The following GABRG2 variants were observed in gnomAD, a reference collection of about 807,000 sequenced individuals.
GABRG2 encodes the protein gamma-aminobutyric acid type A receptor subunit gamma2.
A neutral mutation model predicts 56.4 loss-of-function variants in GABRG2; 16 were observed. The observed-to-expected ratio is 0.28, with a 90% confidence interval of 0.19 to 0.43. GABRG2 has a LOEUF of 0.43. Ranked by LOEUF, GABRG2 falls within the 20% of genes least tolerant of loss-of-function variation. The pLI is 1.00. For missense variants in GABRG2, 327 were observed against 582.7 expected (o/e 0.56, Z 4.52); for synonymous variants, 208 against 205.5 (o/e 1.01, Z -0.10).
Position 162,097,656 on chromosome 5 carries a change from T to A in GABRG2, c.346T>A (p.Phe116Ile). 6.2e-7 allele frequency: 1 copy of A among 1,611,654 alleles called. No individual in the cohort carries two copies. Among genetic ancestry groups the A allele is most frequent in the Non-Finnish European group, 8.5e-7 (1 of 1,178,014 alleles). The change falls in exon 4 of 10, where the codon TTT (phenylalanine) becomes ATT (isoleucine). Residue 116 changes from phenylalanine to isoleucine, a missense_variant. Around this residue, in one of 4 missense-constraint regions of GABRG2, gnomAD observed 104 missense variants for 209.3 expected, o/e 0.50. Coordinates refer to ENST00000639213, the MANE Select transcript of GABRG2 (RefSeq NM_198904.4). Reference protein sequence around the residue: ...AINMEYTIDIFFAQTWYDRRL... With the variant: ...AINMEYTIDIIFAQTWYDRRL... ...AAAACAGGAATACACTATTGATATA[T>A]TTTTTGCGCAAACGTGGTATGACAG...
chr5:162,139,626 C>T (rs1764405850), intron 6 of GABRG2, among the ~76,000 whole-genome samples: 1 of 152,160 alleles, frequency 6.6e-6, no homozygotes, highest in Non-Finnish European at 1.5e-5. Context: ...ATCTTGTTAA[C>T]TTTGGACAAA....
chr5:162,072,423 T>C (rs1758745418), intron 1 of GABRG2, among the ~76,000 whole-genome samples: 1 of 152,022 alleles, frequency 6.6e-6, no homozygotes, highest in Non-Finnish European at 1.5e-5. Flanking sequence ...TAATGAAAAG[T>C]TATAATCAGA....
chr5:162,141,887 G>A (rs1037252154), intron 6 of GABRG2, among the ~76,000 whole-genome samples: 1 of 152,028 alleles, frequency 6.6e-6, no homozygotes, highest in Admixed American at 6.6e-5. Flanking sequence ...AGGAAGAAAG[G>A]ACGTCAGAAA....
chr5:162,080,607 G>T (rs1759573713), intron 1 of GABRG2, among the ~76,000 whole-genome samples: 1 of 152,122 alleles, frequency 6.6e-6, no homozygotes. Context: ...TCTAGGTAAG[G>T]AGTTTGGATA....
intron 6 of GABRG2, 34 bp downstream of exon 6, chr5:162,104,060 C>T: frequency 6.2e-7 from 1 of 1,612,010 alleles, no homozygotes. Flanking sequence ...TCAAGTGACC[C>T]TTCCAGAGTT....
chr5:162,119,945 T>C (rs1270958484), intron 6 of GABRG2, among the ~76,000 whole-genome samples: 1 of 152,110 alleles, frequency 6.6e-6, no homozygotes, highest in Non-Finnish European at 1.5e-5. Flanking sequence ...AGCTGCCTAC[T>C]TCCACCCACT....
intron 6 of GABRG2, among the ~76,000 whole-genome samples, chr5:162,133,314 C>T (rs896027841): frequency 1.3e-5 from 2 of 152,076 alleles, no homozygotes; most frequent in African/African-American, 2.4e-5. Context: ...CTCACAATAG[C>T]CTTAGCAATA....
At position 162,153,607 on chromosome 5, in the gene GABRG2, C is replaced by A; in HGVS notation, c.*239C>A. On this transcript the variant is annotated 3_prime_UTR_variant, in exon 10 of 10. Coordinates refer to ENST00000639213, the MANE Select transcript of GABRG2 (RefSeq NM_198904.4). ...CCTGCAAGGCAAAGTAAAATTAGAG[C>A]AAGAACATTCAAACCAAATAAGATA... The A allele has an allele frequency of 1.7e-6, 1 of 586,314 alleles. No individual in the cohort carries two copies. The highest frequency in any genetic ancestry group is 3.0e-6 in the Non-Finnish European group (1 of 329,384). The allele number at this position is 586,314 out of a possible 1,614,324, so 36.3% of individuals were successfully genotyped here.
intron 7 of GABRG2, 148 bp downstream of exon 7, chr5:162,142,464 T>A: frequency 1.2e-6 from 1 of 852,860 alleles, no homozygotes. Context: ...GAACTGGCAT[T>A]TTTAATTCAC....
intron 6 of GABRG2, among the ~76,000 whole-genome samples, chr5:162,120,203 A>G (rs888357769): frequency 1.4e-4 from 22 of 152,094 alleles, no homozygotes; most frequent in Non-Finnish European, 1.6e-4. Flanking sequence ...TGTCTTTTAC[A>G]TTCAATTTTT....
At position 162,078,935 on chromosome 5, in the gene GABRG2, T is replaced by A. The variant is rs190100133; in HGVS notation, c.107+10829T>A. On this transcript the variant is annotated intron_variant, in intron 1 of 9. Coordinates refer to ENST00000639213, the MANE Select transcript of GABRG2 (RefSeq NM_198904.4). The stretch of plus-strand genomic sequence containing the variant: ...AAAAGTCTACAACCTTTCAGTCACA[T>A]TGCATGTCACTTCATAAAAAAATCT... Among the ~76,000 whole-genome samples, 4 of 151,380 alleles carry A rather than the reference T, an allele frequency of 2.6e-5. No individual in the cohort carries two copies. The East Asian group carries it at 7.7e-4, about 29-fold the overall frequency.
chr5:162,079,493 G>A (rs1425846627), intron 1 of GABRG2, among the ~76,000 whole-genome samples: 6 of 151,972 alleles, frequency 3.9e-5, no homozygotes, highest in East Asian at 3.9e-4. Flanking sequence ...TGTTAATCAC[G>A]TTTTATTAAT....
intron 1 of GABRG2, among the ~76,000 whole-genome samples, chr5:162,090,611 A>G (rs1407537892): frequency 2.0e-5 from 3 of 152,142 alleles, no homozygotes; most frequent in African/African-American, 7.2e-5. Flanking sequence ...TTCTGACACT[A>G]TCACTCAGAA....
chr5:162,086,338 C>G (rs1760109088), intron 1 of GABRG2, among the ~76,000 whole-genome samples: 1 of 151,988 alleles, frequency 6.6e-6, no homozygotes, highest in African/African-American at 2.4e-5. Context: ...CCAACACTTA[C>G]AAAGTTTTAG....
chr5:162,109,143 C>T (rs1050187362), intron 6 of GABRG2, among the ~76,000 whole-genome samples: 3 of 151,092 alleles, frequency 2.0e-5, no homozygotes, highest in African/African-American at 7.3e-5. Context: ...ATCTCAAAGA[C>T]AAAAAATCAA....
chr5:162,094,149 G>A (rs754553969), intron 2 of GABRG2, 170 bp downstream of exon 2: 1 of 654,600 alleles, frequency 1.5e-6, no homozygotes, highest in African/African-American at 1.8e-5. Flanking sequence ...TGGGAGAGGT[G>A]TCAATACATT....
intron 6 of GABRG2, among the ~76,000 whole-genome samples, chr5:162,111,122 T>A (rs957324967): frequency 6.6e-6 from 1 of 152,276 alleles, no homozygotes; most frequent in Non-Finnish European, 1.5e-5. Flanking sequence ...TATAAATGAA[T>A]ATTTTTCTAG....
intron 1 of GABRG2, among the ~76,000 whole-genome samples, chr5:162,084,892 A>G (rs1759942243): frequency 6.6e-6 from 1 of 151,852 alleles, no homozygotes; most frequent in African/African-American, 2.4e-5. Flanking sequence ...TCTTTATTAC[A>G]CTGACTTTGT....
chr5:162,135,231 T>C (rs920113288), intron 6 of GABRG2, among the ~76,000 whole-genome samples: 1 of 152,128 alleles, frequency 6.6e-6, no homozygotes, highest in African/African-American at 2.4e-5. Flanking sequence ...CTTTTTTTTT[T>C]CTTGGCAAGC....
Sources: gnomAD v4.1 joint callset for allele counts (sites outside exome capture counted in the v4.1 genomes callset) on GRCh38, gnomAD v4.1.1 for gene constraint, gnomAD v4.1.1 regional missense constraint, MANE v1.5 for transcripts, NCBI Gene and HGNC (gene_info 2026-07-23, HGNC 2026-07-21) for gene names.